Variants in KIAA0319 observed in about 807,000 individuals in gnomAD.
KIAA0319 encodes the protein KIAA0319.
Under a neutral mutation model 108.4 loss-of-function variants are expected in KIAA0319, and 83 were observed. That is an observed-to-expected ratio of 0.77 (90% CI 0.64 to 0.92). The LOEUF is 0.92. KIAA0319 is among the 40% of genes least tolerant of loss of function. KIAA0319 has a pLI of 0.00. For missense variants in KIAA0319, 1,195 were observed against 1,322.4 expected (o/e 0.90, Z 1.49); for synonymous variants, 484 against 510.4 (o/e 0.95, Z 0.70).
intron 2 of KIAA0319, chr6:24,598,052 C>CCTCTGG (rs1770003058): frequency 2.7e-6 from 1 of 368,588 alleles, no homozygotes; most frequent in African/African-American, 2.1e-5. Flanking sequence ...AAGGTGTCTA[C>CCTCTGG]CTCTGGCCCC....
chr6:24,586,739 T>C lies in KIAA0319; in HGVS notation c.994+1854A>G, dbSNP rs551085093. 5.8e-4 allele frequency among the ~76,000 whole-genome samples: 88 copies of C among 152,304 alleles called. 1 individual carries two copies. In the South Asian group the frequency reaches 7.5e-3, roughly 13 times the overall value. ...TACATGTTATAAACTTGTTTTTTTT[T>C]TCTCTCTTGTTAATCTATCTTTTGT... is the stretch of plus-strand genomic sequence containing the variant. On this transcript the variant is annotated intron_variant, in intron 4 of 20. Transcript: ENST00000378214.
At chr6:24,608,856 G>A (rs571350496) in intron 1 of KIAA0319, among the ~76,000 whole-genome samples, 56 of 147,638 alleles carry the variant, frequency 3.8e-4, no homozygotes, top group Non-Finnish European at 6.0e-4. Flanking sequence ...GCGTGAACCC[G>A]GGAGGCAGAG....
At position 24,596,642 on chromosome 6, in the gene KIAA0319, G is replaced by C. The variant is rs139049278; in HGVS notation, c.56-24C>G. 3.4e-4 allele frequency: 534 copies of C among 1,565,322 alleles called. 2 individuals carry two copies. The African/African-American group carries it at 6.6e-3, about 19-fold the overall frequency. Reference sequence around the variant, plus strand: ...ACCTTTAAACAAAGTAGTTTCTAATGAGGGAGAGAGGCATATCACAGGGAA... The same window carrying C: ...ACCTTTAAACAAAGTAGTTTCTAATCAGGGAGAGAGGCATATCACAGGGAA... On this transcript the variant is annotated intron_variant, in intron 2 of 20. Coordinates refer to ENST00000378214, the MANE Select transcript of KIAA0319 (RefSeq NM_014809.4).
chr6:24,541,200 C>T (rs573845377), downstream of KIAA0319, among the ~76,000 whole-genome samples: 21 of 152,224 alleles, frequency 1.4e-4, no homozygotes, highest in East Asian at 3.5e-3. Flanking sequence ...CTCAGAAGAC[C>T]GAGATCAAGG....
At chr6:24,624,200 G>A (rs1343731882) in intron 1 of KIAA0319, among the ~76,000 whole-genome samples, 1 of 116,622 alleles carries the variant, frequency 8.6e-6, no homozygotes, top group Non-Finnish European at 1.7e-5. Flanking sequence ...AATTTTTGGG[G>A]TTGTTTTTTT....
At chr6:24,569,585 T>C (rs1764380839) in intron 12 of KIAA0319, among the ~76,000 whole-genome samples, 1 of 152,228 alleles carries the variant, frequency 6.6e-6, no homozygotes, top group African/African-American at 2.4e-5. Flanking sequence ...ACTTCTGGTG[T>C]CTACAGTCAC....
At chr6:24,634,562 A>G (rs1317083113) in intron 1 of KIAA0319, among the ~76,000 whole-genome samples, 6 of 152,248 alleles carry the variant, frequency 3.9e-5, no homozygotes, top group African/African-American at 1.4e-4. Context: ...TATAAGAGGC[A>G]GAATTCCAAA....
At chr6:24,568,995 G>A (rs751303686) in intron 12 of KIAA0319, 66 bp from the exon 13 acceptor site, 223 of 1,487,894 alleles carry the variant, frequency 1.5e-4, no homozygotes, top group Admixed American at 1.2e-3. Flanking sequence ...ACAGGCATGC[G>A]ATTTGTGCTC....
At chr6:24,565,737 A>G (rs1367732125) in intron 14 of KIAA0319, among the ~76,000 whole-genome samples, 5 of 128,164 alleles carry the variant, frequency 3.9e-5, no homozygotes, top group Non-Finnish European at 7.9e-5. Context: ...TGGGCGATAG[A>G]GTGAGACTCC....
chr6:24,599,233 G>A lies in KIAA0319; in HGVS notation c.55+1816C>T. Reference sequence around the variant, plus strand: ...TATGAGGAGCTGCAGGCACTGGCTGGGAAGCACAGGGATGACCTGTGTTAT... The same window carrying A: ...TATGAGGAGCTGCAGGCACTGGCTGAGAAGCACAGGGATGACCTGTGTTAT... On this transcript the variant is annotated intron_variant, in intron 2 of 20. Coordinates refer to ENST00000378214, the MANE Select transcript of KIAA0319 (RefSeq NM_014809.4). This position sits in a 1 kb window ranked among gnomAD's most constrained non-coding sequence, Gnocchi z 4.1. 2.0e-6 allele frequency: 1 copy of A among 501,638 alleles called. No homozygotes were observed. The highest frequency in any genetic ancestry group is 3.7e-5 in the East Asian group (1 of 27,380). The allele number at this position is 501,638 out of a possible 1,614,324, so 31.1% of individuals were successfully genotyped here. A position where few individuals can be genotyped will look rare whatever the true frequency, so the allele number is the denominator to read the frequency against.
intron 1 of KIAA0319, among the ~76,000 whole-genome samples, chr6:24,622,319 T>TAAAAAAAAAAAAA (rs5874995): frequency 2.6e-5 from 3 of 114,488 alleles, no homozygotes; most frequent in East Asian, 2.4e-4. Context: ...TTTGAGAAAT[T>TAAAAAAAAAAAAA]AAAAAAAAAA....
At chr6:24,609,406 G>A (rs776126229) in intron 1 of KIAA0319, among the ~76,000 whole-genome samples, 7 of 151,428 alleles carry the variant, frequency 4.6e-5, no homozygotes, top group East Asian at 1.9e-4. Context: ...ATGAAACCCC[G>A]TCTGTACTAA....
intron 7 of KIAA0319, 73 bp from the exon 8 acceptor site, chr6:24,580,023 T>C: frequency 8.4e-7 from 1 of 1,187,668 alleles, no homozygotes; most frequent in South Asian, 1.4e-5. Flanking sequence ...TAAAATCATC[T>C]ACTTTAAAAA....
intron 3 of KIAA0319, among the ~76,000 whole-genome samples, chr6:24,592,733 G>A (rs1328632590): frequency 6.6e-6 from 1 of 152,164 alleles, no homozygotes; most frequent in Non-Finnish European, 1.5e-5. Flanking sequence ...CATTTTGGGA[G>A]GCCAAGGCAG....
rs1016901264 is a variant in KIAA0319, at chr6:24,547,339, G to A, written c.3045C>T (p.Ile1015=). The A allele has an allele frequency of 6.8e-6, 11 of 1,613,514 alleles. No individual in the cohort carries two copies. Among genetic ancestry groups the A allele is most frequent in the African/African-American group, 1.3e-5 (1 of 74,922 alleles). Residue 1015 remains isoleucine, a synonymous_variant, in exon 21 of 21, where the codon ATC becomes ATT. Transcript: ENST00000378214. ...AGTTGTGCTCTGTGCTTCGGTGCTT[G>A]ATACCTAGAGAGAAGCACAGAAGCA... ...ERMELRPKYG[I]KHRSTEHNSS...
intron 2 of KIAA0319, chr6:24,600,649 G>A (rs1167084108): frequency 6.5e-7 from 1 of 1,534,560 alleles, no homozygotes; most frequent in Non-Finnish European, 8.7e-7. Flanking sequence ...CTAGTCATGG[G>A]TCTTCTTAAA....
chr6:24,591,225 T>C (rs1186026768), intron 3 of KIAA0319, among the ~76,000 whole-genome samples: 1 of 152,180 alleles, frequency 6.6e-6, no homozygotes, highest in Non-Finnish European at 1.5e-5. Context: ...TTTCTTTCTC[T>C]TGTGTAAATA....
At chr6:24,558,781 G>A (rs1410535803) in intron 17 of KIAA0319, among the ~76,000 whole-genome samples, 1 of 152,178 alleles carries the variant, frequency 6.6e-6, no homozygotes, top group African/African-American at 2.4e-5. Context: ...ATTATCTTGT[G>A]AGTATAATCT....
intron 17 of KIAA0319, among the ~76,000 whole-genome samples, chr6:24,557,858 G>A (rs1412624851): frequency 1.3e-5 from 2 of 152,012 alleles, no homozygotes; most frequent in Non-Finnish European, 2.9e-5. Flanking sequence ...AGCCTCTGGA[G>A]TAGCTGGGAT....
Sources: gnomAD v4.1 joint callset for allele counts (sites outside exome capture counted in the v4.1 genomes callset) on GRCh38, gnomAD v4.1.1 for gene constraint, Gnocchi (gnomAD v3.1) non-coding constraint, MANE v1.5 for transcripts, NCBI Gene and HGNC (gene_info 2026-07-23, HGNC 2026-07-21) for gene names.